The following NUP160 variants were observed in gnomAD, a reference collection of about 807,000 sequenced individuals.
NUP160 encodes nucleoporin 160.
Under a neutral mutation model 196.9 loss-of-function variants are expected in NUP160, and 94 were observed. The observed-to-expected ratio is 0.48, with a 90% CI of 0.40 to 0.57. NUP160 has a LOEUF of 0.57. Ranked by LOEUF, NUP160 falls within the 20% of genes least tolerant of loss-of-function variation. NUP160 has a pLI of 0.00. For missense variants in NUP160, 1,638 were observed against 1,748.3 expected (o/e 0.94, Z 1.13); for synonymous variants, 605 against 619.7 (o/e 0.98, Z 0.35).
intron 22 of NUP160, 70 bp from the exon 23 acceptor site, chr11:47,802,000 C>A: frequency 6.6e-7 from 1 of 1,511,496 alleles, no homozygotes; most frequent in East Asian, 2.3e-5. Flanking sequence ...ATCAGGGGTT[C>A]ACATGTAAGG....
intron 27 of NUP160, among the ~76,000 whole-genome samples, chr11:47,797,178 C>T (rs921785742): frequency 2.0e-4 from 27 of 135,360 alleles, no homozygotes; most frequent in African/African-American, 6.6e-4. Context: ...TGAAATAGCA[C>T]AGGAACTCAA....
intron 27 of NUP160, among the ~76,000 whole-genome samples, chr11:47,793,502 A>G (rs2097669085): frequency 6.6e-6 from 1 of 152,114 alleles, no homozygotes; most frequent in African/African-American, 2.4e-5. Flanking sequence ...TCCTCAAAAA[A>G]TTAAAAGTGA....
At chr11:47,813,173 T>C in intron 14 of NUP160, 126 bp from the exon 15 acceptor site, 1 of 955,606 alleles carries the variant, frequency 1.0e-6, no homozygotes. Context: ...TGCTTTGGTC[T>C]CTTAAGTGTT....
At chr11:47,820,491 T>C (rs1851835194) in intron 9 of NUP160, among the ~76,000 whole-genome samples, 1 of 152,200 alleles carries the variant, frequency 6.6e-6, no homozygotes, top group South Asian at 2.1e-4. Context: ...GCAATCCTCC[T>C]GCCTCAGTCT....
chr11:47,805,062 C>T (rs2097676648), intron 20 of NUP160, among the ~76,000 whole-genome samples: 1 of 152,102 alleles, frequency 6.6e-6, no homozygotes, highest in South Asian at 2.1e-4. Context: ...AGTATTGGTG[C>T]CAGTGGACAT....
At position 47,780,382 on chromosome 11, in the gene NUP160, T is replaced by C. The variant is rs1030016657; in HGVS notation, c.4182A>G (p.Gln1394=). 3.1e-6 allele frequency: 5 copies of C among 1,613,750 alleles called. No homozygotes were observed. Among genetic ancestry groups the C allele is most frequent in the Admixed American group, 3.3e-5 (2 of 59,994 alleles). The change falls in exon 35 of 36, where the codon CAA becomes CAG. Residue 1394 remains glutamine (Q), a synonymous_variant. Coordinates refer to ENST00000378460, the Ensembl canonical transcript of NUP160. ...TGTTGGCACTGTTCTCTCCCAGAGC[T>C]TGGAGAAGCTGATCAATAGAGGAGT...
intron 7 of NUP160, among the ~76,000 whole-genome samples, chr11:47,824,027 A>ATG (rs1565203413): frequency 3.4e-5 from 4 of 117,668 alleles, no homozygotes; most frequent in African/African-American, 1.2e-4. Flanking sequence ...ATATATATAT[A>ATG]TATATATATA....
Position 47,803,374 on chromosome 11 carries a change from G to A in NUP160, c.2775+64C>T, listed in dbSNP as rs371031163. ...CCATCCCCTAAAACCTAGTCAAATG[G>A]AAGCTAAGCAACTTCCTTGCGTTAA... On this transcript the variant is annotated intron_variant, in intron 22 of 35. Transcript: ENST00000378460. The A allele has an allele frequency of 3.6e-5, 35 of 973,126 alleles. No individual in the cohort carries two copies. The East Asian group carries it at 8.0e-4, about 22-fold the overall frequency. 60.3% of individuals were successfully genotyped at this position (973,126 alleles called of 1,614,324 possible).
chr11:47,782,356 A>G (rs1324548745), intron 34 of NUP160, among the ~76,000 whole-genome samples: 2 of 118,624 alleles, frequency 1.7e-5, no homozygotes, highest in Non-Finnish European at 3.4e-5. Context: ...ATATATATAT[A>G]TGCGCCTATA....
chr11:47,791,868 CAACT>C, intron 29 of NUP160, 58 bp downstream of exon 29: 2 of 1,061,440 alleles, frequency 1.9e-6, no homozygotes, highest in Admixed American at 2.0e-5. Flanking sequence ...TATCATAATA[CAACT>C]AACAATAACA....
chr11:47,829,448 G>A (rs1259201572), intron 7 of NUP160, among the ~76,000 whole-genome samples: 3 of 152,130 alleles, frequency 2.0e-5, no homozygotes, highest in Non-Finnish European at 1.5e-5. Flanking sequence ...TGGGATTACA[G>A]GCACGTGCCA....
exon 35 of NUP160, chr11:47,780,397 A>T: frequency 6.2e-7 from 1 of 1,613,970 alleles, no homozygotes; most frequent in Non-Finnish European, 8.5e-7. Context: ...GAAGCTGATC[A>T]ATAGAGGAGT....
intron 9 of NUP160, among the ~76,000 whole-genome samples, chr11:47,820,838 C>T (rs1851842082): frequency 6.6e-6 from 1 of 152,194 alleles, no homozygotes; most frequent in South Asian, 2.1e-4. Flanking sequence ...GCATGAGCCA[C>T]CGCACCTGGC....
intron 18 of NUP160, among the ~76,000 whole-genome samples, chr11:47,808,079 T>C (rs1035023350): frequency 1.4e-4 from 21 of 152,240 alleles, no homozygotes; most frequent in Admixed American, 2.0e-4. Flanking sequence ...GGTCAGGAGT[T>C]TGAGACCAGC....
chr11:47,841,597 A>G (rs1852298794), intron 2 of NUP160: 1 of 432,116 alleles, frequency 2.3e-6, no homozygotes, highest in Non-Finnish European at 4.6e-6. Context: ...GAAGACAGCC[A>G]GTGTTACAAG....
chr11:47,848,293 C>T (rs1309074840), exon 1 of NUP160: 3 of 1,614,026 alleles, frequency 1.9e-6, no homozygotes, highest in Middle Eastern at 1.6e-4. Context: ...CACGAAGCTC[C>T]GTTCCAGGGC....
In NUP160 at chr11:47,840,087, A is replaced by G. The variant is rs371004346; in HGVS notation, c.526-22T>C. ...ACTCCTGTTGAGTAATTAAAAAGAA[A>G]AATCTATTAAATCAAAATAACCAGA... On this transcript the variant is annotated intron_variant, in intron 3 of 35. Coordinates refer to ENST00000378460, the Ensembl canonical transcript of NUP160. The G allele has an allele frequency of 3.7e-5, 58 of 1,554,346 alleles. No individual in the cohort carries two copies. The African/African-American group carries it at 5.0e-4, about 14-fold the overall frequency.
intron 17 of NUP160, among the ~76,000 whole-genome samples, chr11:47,811,147 T>C (rs945799824): frequency 1.3e-5 from 2 of 152,060 alleles, no homozygotes; most frequent in Non-Finnish European, 2.9e-5. Flanking sequence ...AAGCACAGAA[T>C]AGAGTTAGGA....
intron 7 of NUP160, among the ~76,000 whole-genome samples, chr11:47,829,372 C>T (rs960429686): frequency 2.6e-5 from 4 of 152,144 alleles, no homozygotes; most frequent in African/African-American, 4.8e-5. Flanking sequence ...ATGGTGCGAT[C>T]CCGGCTCACT....
Sources: gnomAD v4.1 joint callset for allele counts (sites outside exome capture counted in the v4.1 genomes callset) on GRCh38, gnomAD v4.1.1 for gene constraint, MANE v1.5 for transcripts, NCBI Gene and HGNC (gene_info 2026-07-23, HGNC 2026-07-21) for gene names.